Variants in RSU1 observed in about 807,000 individuals in gnomAD.
The protein encoded by RSU1 is rsu-1.
Under a neutral mutation model 31.1 loss-of-function variants are expected in RSU1, and 26 were observed. The ratio of observed to expected loss-of-function variants is 0.84; its 90% confidence interval spans 0.61 to 1.16. RSU1 has a LOEUF of 1.16. Among genes scored for constraint, RSU1 ranks in the 50% most tolerant of loss-of-function variants. RSU1 has a pLI of 0.00. For synonymous variants in RSU1, 164 were observed against 136.3 expected, an observed-to-expected ratio of 1.20 and a Z score of -1.41; for missense variants, 320 against 339.1, an observed-to-expected ratio of 0.94 and a Z score of 0.44.
rs115939087 is a variant in RSU1 at position 16,673,848 on chromosome 10, C to T, written c.731+21175G>A. 4.0e-3 allele frequency among the ~76,000 whole-genome samples: 615 copies of T among 152,296 alleles called. 4 individuals carry two copies. Among genetic ancestry groups the T allele is most frequent in the African/African-American group, 0.014 (569 of 41,564 alleles). The stretch of plus-strand genomic sequence containing the variant: ...CTAAGTACTTTTTCTGACTTGCCAA[C>T]GTAACCCGCACATATTTTAAGGGCT... On this transcript the variant is annotated intron_variant, in intron 8 of 8. Transcript: ENST00000345264.
At chr10:16,689,934 C>T (rs1419722382) in intron 8 of RSU1, among the ~76,000 whole-genome samples, 1 of 152,190 alleles carries the variant, frequency 6.6e-6, no homozygotes, top group Non-Finnish European at 1.5e-5. Flanking sequence ...CGCCTGTTTG[C>T]CAAATACCTC....
At chr10:16,801,529 C>T (rs1402841928) in intron 2 of RSU1, among the ~76,000 whole-genome samples, 1 of 152,116 alleles carries the variant, frequency 6.6e-6, no homozygotes, top group Non-Finnish European at 1.5e-5. Flanking sequence ...CACAACACCA[C>T]CATCTATCAG....
At chr10:16,611,913 T>C (rs965396013) in intron 8 of RSU1, among the ~76,000 whole-genome samples, 1 of 152,244 alleles carries the variant, frequency 6.6e-6, no homozygotes, top group African/African-American at 2.4e-5. Flanking sequence ...AGAAATGACT[T>C]TGAAATTCAT....
chr10:16,740,381 T>C (rs755862267), intron 7 of RSU1, among the ~76,000 whole-genome samples: 2 of 152,184 alleles, frequency 1.3e-5, no homozygotes, highest in Non-Finnish European at 2.9e-5. Context: ...AAAAAAATCT[T>C]ACAGATAACA....
intron 2 of RSU1, among the ~76,000 whole-genome samples, chr10:16,795,173 G>A (rs941644111): frequency 2.1e-4 from 32 of 151,934 alleles, no homozygotes; most frequent in Non-Finnish European, 4.7e-4. Flanking sequence ...GGCCAACATG[G>A]TGAAGCCCCA....
intron 8 of RSU1, among the ~76,000 whole-genome samples, chr10:16,594,789 A>AT (rs939278496): frequency 0.058 from 7,934 of 136,870 alleles, 635 homozygotes; most frequent in African/African-American, 0.18. Context: ...ATATATATAT[A>AT]TTTTTTTTTT....
rs77705065 is a variant in RSU1 at position 16,789,118 on chromosome 10, G to A, written c.110-7034C>T. Among the ~76,000 whole-genome samples, 4 of 152,260 alleles carry A rather than the reference G, an allele frequency of 2.6e-5. No individual in the cohort carries two copies. The East Asian group carries it at 7.7e-4, about 29-fold the overall frequency. ...TCAGGTTCACGAGGACAGATTTAAT[G>A]AGGGAAAACTGGTTCTTTTCAGTCA... is the stretch of plus-strand genomic sequence containing the variant. On this transcript the variant is annotated intron_variant, in intron 2 of 8. Transcript: ENST00000345264.
chr10:16,742,817 C>T (rs932629776), intron 7 of RSU1, among the ~76,000 whole-genome samples: 37 of 152,242 alleles, frequency 2.4e-4, no homozygotes, highest in East Asian at 2.1e-3. Context: ...AAAACGGAAA[C>T]GCTTTATGTG....
intron 8 of RSU1, among the ~76,000 whole-genome samples, chr10:16,606,550 A>T (rs1290421006): frequency 6.6e-6 from 1 of 152,186 alleles, no homozygotes; most frequent in Non-Finnish European, 1.5e-5. Flanking sequence ...TGGGCAGATG[A>T]GGGTCGTTCA....
intron 2 of RSU1, among the ~76,000 whole-genome samples, chr10:16,815,463 G>T (rs1414813538): frequency 6.6e-6 from 1 of 152,068 alleles, no homozygotes; most frequent in East Asian, 1.9e-4. Flanking sequence ...GCCTTTCAGG[G>T]TCTCCTGAAC....
chr10:16,697,030 A>G (rs1010368376), intron 7 of RSU1, among the ~76,000 whole-genome samples: 2 of 152,114 alleles, frequency 1.3e-5, no homozygotes, highest in Admixed American at 1.3e-4. Context: ...AAATGAATAT[A>G]ATATACATTC....
chr10:16,609,496 T>G (rs1406814529), intron 8 of RSU1, among the ~76,000 whole-genome samples: 1 of 152,150 alleles, frequency 6.6e-6, no homozygotes, highest in Admixed American at 6.5e-5. Flanking sequence ...TAAATACAGC[T>G]GGTGAAAGCG....
chr10:16,815,627 G>C (rs541225869), intron 2 of RSU1, among the ~76,000 whole-genome samples: 1 of 152,210 alleles, frequency 6.6e-6, no homozygotes, highest in Non-Finnish European at 1.5e-5. Context: ...CATGAATATT[G>C]CACAGCTTTT....
At chr10:16,619,533 C>T (rs939671177) in intron 8 of RSU1, among the ~76,000 whole-genome samples, 2 of 152,224 alleles carry the variant, frequency 1.3e-5, no homozygotes, top group South Asian at 4.1e-4. Flanking sequence ...AACTGTCCTG[C>T]TTCCCATCAG....
intron 8 of RSU1, among the ~76,000 whole-genome samples, chr10:16,679,722 G>C (rs1442351642): frequency 6.6e-6 from 1 of 152,018 alleles, no homozygotes; most frequent in Non-Finnish European, 1.5e-5. Flanking sequence ...CAGCAGCTCT[G>C]TCTGAAGGCT....
intron 7 of RSU1, among the ~76,000 whole-genome samples, chr10:16,729,190 A>C (rs941610814): frequency 6.6e-6 from 1 of 152,238 alleles, no homozygotes; most frequent in Admixed American, 6.5e-5. Flanking sequence ...AGAGTAGAAT[A>C]ATCTACTTTT....
intron 7 of RSU1, among the ~76,000 whole-genome samples, chr10:16,744,292 A>C (rs1289485139): frequency 6.6e-6 from 1 of 152,218 alleles, no homozygotes; most frequent in African/African-American, 2.4e-5. Context: ...TAAATTACTA[A>C]TATGTAGACA....
intron 7 of RSU1, among the ~76,000 whole-genome samples, chr10:16,722,577 G>A (rs994932665): frequency 3.3e-5 from 5 of 152,090 alleles, no homozygotes; most frequent in African/African-American, 1.2e-4. Context: ...GAGAGGTCTA[G>A]CTAGGTTGGG....
At chr10:16,707,654 T>C (rs903585237) in intron 7 of RSU1, among the ~76,000 whole-genome samples, 2 of 151,974 alleles carry the variant, frequency 1.3e-5, no homozygotes, top group Non-Finnish European at 2.9e-5. Flanking sequence ...ATATTTACTC[T>C]CATTCTTTAG....
Sources: gnomAD v4.1 joint callset for allele counts (sites outside exome capture counted in the v4.1 genomes callset) on GRCh38, gnomAD v4.1.1 for gene constraint, MANE v1.5 for transcripts, NCBI Gene and HGNC (gene_info 2026-07-23, HGNC 2026-07-21) for gene names.